JMY: variants seen among roughly 807,000 people sequenced by gnomAD.
JMY encodes junction mediating and regulatory protein, p53 cofactor.
In JMY, 46 loss-of-function variants were observed where a neutral mutation model predicts 103.3. The observed-to-expected ratio is 0.45, with a 90% CI of 0.35 to 0.57. The LOEUF is 0.57. Ranked by LOEUF, JMY falls within the 20% of genes least tolerant of loss-of-function variation. The pLI, the probability that JMY is intolerant of heterozygous loss-of-function variation, is 0.00. For synonymous variants in JMY, 526 were observed against 489.3 expected (o/e 1.07, Z -0.99); for missense variants, 1,238 against 1,255.2 (o/e 0.99, Z 0.21).
In JMY at chr5:79,325,922, T is replaced by C. The variant is rs930179973; in HGVS notation, c.*4320T>C. On this transcript the variant is annotated 3_prime_UTR_variant, in exon 11 of 11. Transcript: ENST00000396137. ...TGTGAATGTATGAAAAGTTTCCCCA[T>C]TGGGTTATTCTTAAGATGTGTTTAT... The C allele has an allele frequency of 1.3e-5, 2 of 152,114 alleles. No homozygotes were observed. The highest frequency in any genetic ancestry group is 2.9e-5 in the Non-Finnish European group (2 of 68,000). The allele number at this position is 152,114 out of a possible 1,614,324, so 9.4% of individuals were successfully genotyped here.
intron 1 of JMY, among the ~76,000 whole-genome samples, chr5:79,243,086 T>C (rs576277418): frequency 1.3e-5 from 2 of 152,228 alleles, no homozygotes; most frequent in South Asian, 4.1e-4. Context: ...TGCCCAATTG[T>C]GGGGAAGTTT....
intron 1 of JMY, among the ~76,000 whole-genome samples, chr5:79,262,781 A>G (rs564979123): frequency 5.3e-5 from 8 of 152,376 alleles, no homozygotes; most frequent in African/African-American, 1.9e-4. Flanking sequence ...AGCTTTGTAA[A>G]GTACTATTCT....
chr5:79,268,580 C>T (rs528743798), intron 1 of JMY, among the ~76,000 whole-genome samples: 70 of 152,116 alleles, frequency 4.6e-4, no homozygotes, highest in African/African-American at 1.3e-3. Flanking sequence ...CTCCACCTCC[C>T]GGGTTCAAGC....
chr5:79,314,049 G>A (rs886794880), intron 8 of JMY, among the ~76,000 whole-genome samples: 3 of 152,196 alleles, frequency 2.0e-5, no homozygotes, highest in Non-Finnish European at 4.4e-5. Flanking sequence ...AGTAGTGACG[G>A]GGTTTCACCA....
intron 1 of JMY, among the ~76,000 whole-genome samples, chr5:79,277,656 GAAAAT>G (rs1291998705): frequency 3.3e-5 from 5 of 151,666 alleles, no homozygotes; most frequent in Non-Finnish European, 7.4e-5. Flanking sequence ...AAAAAAAAAG[GAAAAT>G]AAAAAATGGG....
intron 2 of JMY, among the ~76,000 whole-genome samples, chr5:79,285,652 G>T (rs1746247464): frequency 1.3e-5 from 2 of 151,178 alleles, no homozygotes; most frequent in South Asian, 4.2e-4. Context: ...AAAAACCCAT[G>T]AATAGATACT....
chr5:79,317,513 A>C (rs1045920107), intron 10 of JMY, among the ~76,000 whole-genome samples: 38 of 152,328 alleles, frequency 2.5e-4, no homozygotes, highest in African/African-American at 8.4e-4. Flanking sequence ...GGTAACTGAA[A>C]TGTTGTAATT....
Position 79,236,876 on chromosome 5 carries a change from G to C in JMY, c.226G>C (p.Asp76His). ...CGCCGAGGCCGGCGGAGCTGCGTCC[G>C]ACGGGAGCCGCGGGCCCGGCAGCCC... ...GGAEAGGAAS[D>H]GSRGPGSPAG... The change falls in exon 1 of 11, where the codon GAC becomes CAC. Residue 76 changes from aspartate (D) to histidine (H), a missense_variant. Physicochemically the swap from Asp to His is moderately conservative, Grantham distance 81 (BLOSUM62 -1). Coordinates refer to ENST00000396137, the MANE Select transcript of JMY (RefSeq NM_152405.5). 1 of 1,395,962 alleles carries C rather than the reference G, an allele frequency of 7.2e-7. No individual in the cohort carries two copies. Among genetic ancestry groups the C allele is most frequent in the Non-Finnish European group, 9.3e-7 (1 of 1,076,508 alleles). 86.5% of individuals were successfully genotyped at this position (1,395,962 alleles called of 1,614,324 possible). A position where few individuals can be genotyped will look rare whatever the true frequency, so the allele number is the denominator to read the frequency against.
intron 7 of JMY, among the ~76,000 whole-genome samples, chr5:79,310,765 C>T (rs1367906579): frequency 6.6e-6 from 1 of 152,146 alleles, no homozygotes; most frequent in Non-Finnish European, 1.5e-5. Flanking sequence ...TTGTTATTAG[C>T]TCAAATTGGA....
Position 79,236,726 on chromosome 5 carries a change from A to G in JMY, c.76A>G (p.Lys26Glu). Residue 26 changes from lysine to glutamate, a missense_variant, in exon 1 of 11, where the codon AAA (lysine) becomes GAA (glutamate). Transcript: ENST00000396137. Reference sequence around the variant, plus strand: ...GCCCCATGTGTTCGACGAGCGCGAGAAACACAAATTCGTCTTTATTGTGGC... The same window carrying G: ...GCCCCATGTGTTCGACGAGCGCGAGGAACACAAATTCGTCTTTATTGTGGC... Reference protein sequence around the residue: ...VRPHVFDEREKHKFVFIVAWN... With the variant: ...VRPHVFDEREEHKFVFIVAWN... 1.3e-6 allele frequency: 2 copies of G among 1,504,638 alleles called. No homozygotes were observed. Among genetic ancestry groups the G allele is most frequent in the South Asian group, 1.3e-5 (1 of 78,984 alleles). The allele number at this position is 1,504,638 out of a possible 1,614,324, so 93.2% of individuals were successfully genotyped here. A position where few individuals can be genotyped will look rare whatever the true frequency, so the allele number is the denominator to read the frequency against.
At chr5:79,255,117 A>C (rs1432171455) in intron 1 of JMY, among the ~76,000 whole-genome samples, 1 of 104,326 alleles carries the variant, frequency 9.6e-6, no homozygotes, top group Non-Finnish European at 1.8e-5. Context: ...AAGGTCACAT[A>C]TCTCTCTCTC....
intron 8 of JMY, among the ~76,000 whole-genome samples, chr5:79,313,505 C>G (rs1045655475): frequency 2.6e-5 from 4 of 152,154 alleles, no homozygotes; most frequent in Non-Finnish European, 5.9e-5. Flanking sequence ...ATGTATTTCT[C>G]TCTTCATTCT....
chr5:79,314,863 T>C lies in JMY; in HGVS notation c.2659+12T>C, dbSNP rs1249117013. On this transcript the variant is annotated intron_variant, in intron 9 of 10. Transcript: ENST00000396137. Reference sequence around the variant, plus strand: ...GCAGAGGAGGAGAGGTACGTCAACATATTTTCATGGTCCATCTGTTGTATG... The same window carrying C: ...GCAGAGGAGGAGAGGTACGTCAACACATTTTCATGGTCCATCTGTTGTATG... 6.5e-7 allele frequency: 1 copy of C among 1,535,616 alleles called. No individual in the cohort carries two copies. Among genetic ancestry groups the C allele is most frequent in the Non-Finnish European group, 8.7e-7 (1 of 1,143,086 alleles).
chr5:79,262,202 T>C (rs552852536), intron 1 of JMY, among the ~76,000 whole-genome samples: 5 of 152,234 alleles, frequency 3.3e-5, no homozygotes, highest in Admixed American at 6.5e-5. Flanking sequence ...TTTAGCAAAA[T>C]GCATCTTTCA....
intron 1 of JMY, among the ~76,000 whole-genome samples, chr5:79,252,465 T>G (rs1346232549): frequency 6.6e-6 from 1 of 152,026 alleles, no homozygotes; most frequent in African/African-American, 2.4e-5. Context: ...GTTCTGTAAG[T>G]TTTTGTTAGG....
In JMY at chr5:79,237,193, G is replaced by A; in HGVS notation, c.543G>A (p.Arg181=). The change falls in exon 1 of 11, where the codon CGG becomes CGA. Residue 181 remains arginine (R), a synonymous_variant. Coordinates refer to ENST00000396137, the MANE Select transcript of JMY (RefSeq NM_152405.5). ...APREAQVSSV[R]IVSASGTVSE... Reference sequence around the variant, plus strand: ...GAGAGGCCCAGGTGTCCTCTGTACGGATAGTGAGCGCCTCTGGGACGGTCT... The same window carrying A: ...GAGAGGCCCAGGTGTCCTCTGTACGAATAGTGAGCGCCTCTGGGACGGTCT... 1 of 1,550,444 alleles carries A rather than the reference G, an allele frequency of 6.4e-7. No homozygotes were observed. Among genetic ancestry groups the A allele is most frequent in the South Asian group, 1.2e-5 (1 of 84,062 alleles).
chr5:79,282,188 C>G (rs1201822941), intron 2 of JMY, among the ~76,000 whole-genome samples: 2 of 151,844 alleles, frequency 1.3e-5, no homozygotes, highest in South Asian at 2.1e-4. Context: ...ACCTGGGTGA[C>G]AGAGCGAGAC....
chr5:79,291,987 G>A (rs1746435625), intron 4 of JMY, among the ~76,000 whole-genome samples: 1 of 152,114 alleles, frequency 6.6e-6, no homozygotes, highest in African/African-American at 2.4e-5. Flanking sequence ...CAGCAAGATG[G>A]TTCTCATTGA....
At chr5:79,282,573 T>A (rs1746150619) in intron 2 of JMY, among the ~76,000 whole-genome samples, 1 of 152,150 alleles carries the variant, frequency 6.6e-6, no homozygotes, top group Non-Finnish European at 1.5e-5. Flanking sequence ...TGCTTCACTA[T>A]TGAAGAATGA....
Sources: allele counts gnomAD v4.1 joint callset (sites outside exome capture counted in the v4.1 genomes callset), GRCh38; gene constraint gnomAD v4.1.1; transcripts MANE v1.5; gene names NCBI Gene and HGNC (gene_info 2026-07-23, HGNC 2026-07-21).